PCTP: variants seen among roughly 807,000 people sequenced by gnomAD.
The protein encoded by PCTP is phosphatidylcholine transfer protein, also known as START domain-containing protein 2.
PCTP carries 27 observed loss-of-function variants against 31.0 expected under a neutral mutation model. The observed-to-expected ratio is 0.87, with a 90% CI of 0.64 to 1.20. The LOEUF is 1.20. PCTP is among the 50% of genes most tolerant of loss of function. PCTP has a pLI of 0.00. For missense variants in PCTP, 287 were observed against 268.2 expected (o/e 1.07, Z -0.49); for synonymous variants, 108 against 101.2 (o/e 1.07, Z -0.40).
At chr17:55,826,050 G>T (rs1425665984), downstream of PCTP, among the ~76,000 whole-genome samples, 3 of 152,164 alleles carry the variant, frequency 2.0e-5, no homozygotes, top group Admixed American at 2.0e-4. Context: ...AGAAAAATTA[G>T]GTAATTGGCC....
the PCTP span, among the ~76,000 whole-genome samples, chr17:55,847,891 C>T: frequency 2.6e-5 from 4 of 152,052 alleles, no homozygotes; most frequent in Non-Finnish European, 4.4e-5. Context: ...TCCAAATAGC[C>T]ATATCCAGAA....
intron 3 of PCTP, among the ~76,000 whole-genome samples, chr17:55,809,962 A>T (rs2145043545): frequency 6.6e-6 from 1 of 152,322 alleles, no homozygotes. Flanking sequence ...TTACTATTAG[A>T]AATTTACCTT....
the PCTP span, among the ~76,000 whole-genome samples, chr17:55,852,595 A>G: frequency 1.3e-5 from 2 of 152,116 alleles, no homozygotes; most frequent in Non-Finnish European, 2.9e-5. Flanking sequence ...ATTTCTAATC[A>G]CTCATTCCTA....
intron 3 of PCTP, among the ~76,000 whole-genome samples, chr17:55,814,202 G>A (rs1432482504): frequency 6.6e-6 from 1 of 152,134 alleles, no homozygotes; most frequent in Non-Finnish European, 1.5e-5. Context: ...CATTCTAGAG[G>A]AAGGAGGAGG....
chr17:55,824,554 A>G (rs1262940017), downstream of PCTP, among the ~76,000 whole-genome samples: 1 of 152,250 alleles, frequency 6.6e-6, no homozygotes, highest in Non-Finnish European at 1.5e-5. Flanking sequence ...AACAATGATA[A>G]ATTGTAATTG....
intron 2 of PCTP, among the ~76,000 whole-genome samples, chr17:55,786,984 C>A (rs1911769116): frequency 6.6e-6 from 1 of 151,708 alleles, no homozygotes; most frequent in Admixed American, 6.6e-5. Flanking sequence ...CTGTTTCTGG[C>A]ATATGTGTGT....
intron 4 of PCTP, 65 bp from the exon 5 acceptor site, chr17:55,774,727 G>GT: frequency 7.5e-7 from 1 of 1,329,124 alleles, no homozygotes; most frequent in Non-Finnish European, 1.1e-6. Context: ...AGTTTGCACA[G>GT]TTTTGTTGCT....
At chr17:55,791,205 G>C (rs1018083389) in intron 3 of PCTP, among the ~76,000 whole-genome samples, 13 of 151,962 alleles carry the variant, frequency 8.6e-5, no homozygotes, top group Admixed American at 4.6e-4. Flanking sequence ...AAAAACCCTA[G>C]AAGAAAACCT....
At chr17:55,795,402 A>G (rs1225822410) in intron 3 of PCTP, among the ~76,000 whole-genome samples, 1 of 152,044 alleles carries the variant, frequency 6.6e-6, no homozygotes, top group African/African-American at 2.4e-5. Flanking sequence ...TAAATGATTT[A>G]TGTCTTTGCA....
chr17:55,805,606 A>G (rs1294892731), intron 3 of PCTP, among the ~76,000 whole-genome samples: 2 of 152,002 alleles, frequency 1.3e-5, no homozygotes, highest in Non-Finnish European at 2.9e-5. Flanking sequence ...ATATACATAT[A>G]TATACACACA....
At chr17:55,840,915 A>G (rs1905959733) in intron 5 of PCTP, among the ~76,000 whole-genome samples, 1 of 152,208 alleles carries the variant, frequency 6.6e-6, no homozygotes, top group African/African-American at 2.4e-5. Flanking sequence ...AAAATCCAAA[A>G]AAGTCTGAAA....
At chr17:55,798,260 A>G (rs1357699675) in intron 3 of PCTP, among the ~76,000 whole-genome samples, 5 of 152,038 alleles carry the variant, frequency 3.3e-5, no homozygotes, top group Non-Finnish European at 4.4e-5. Flanking sequence ...CTGCAATCTC[A>G]TAAGAGTGAA....
downstream of PCTP, chr17:55,777,499 GCTTA>G (rs1270163188): frequency 2.7e-5 from 20 of 741,874 alleles, no homozygotes; most frequent in Non-Finnish European, 3.0e-5. Context: ...ATAATTTTGG[GCTTA>G]CTTATATGCA....
intron 3 of PCTP, among the ~76,000 whole-genome samples, chr17:55,817,258 G>A (rs1421685387): frequency 6.6e-6 from 1 of 152,208 alleles, no homozygotes; most frequent in Non-Finnish European, 1.5e-5. Context: ...GGGTTGTTGG[G>A]TATTGTCATC....
intron 3 of PCTP, among the ~76,000 whole-genome samples, chr17:55,794,577 G>C (rs1912119577): frequency 6.6e-6 from 1 of 151,800 alleles, no homozygotes; most frequent in African/African-American, 2.4e-5. Context: ...TAAGTTATGG[G>C]TTATATGCAA....
intron 5 of PCTP, among the ~76,000 whole-genome samples, chr17:55,841,726 A>G (rs1000606825): frequency 8.5e-5 from 13 of 152,218 alleles, no homozygotes; most frequent in Admixed American, 2.6e-4. Flanking sequence ...CTCAATTCCA[A>G]TCAGTCCTCT....
intron 1 of PCTP, among the ~76,000 whole-genome samples, chr17:55,762,183 A>T (rs1421222763): frequency 6.6e-6 from 1 of 152,194 alleles, no homozygotes; most frequent in Non-Finnish European, 1.5e-5. Context: ...GAGGGACTGT[A>T]TGCTGGCTCA....
intron 5 of PCTP, chr17:55,775,591 A>G: frequency 8.5e-7 from 1 of 1,174,936 alleles, no homozygotes; most frequent in Non-Finnish European, 1.1e-6. Flanking sequence ...AAATAAGACA[A>G]TATTTAGGAA....
intron 1 of PCTP, among the ~76,000 whole-genome samples, chr17:55,758,046 A>C (rs1222162904): frequency 6.6e-6 from 1 of 152,204 alleles, no homozygotes; most frequent in Non-Finnish European, 1.5e-5. Context: ...TCTGCAAGTC[A>C]GGCCCTTGCA....
Sources: gnomAD v4.1 joint callset for allele counts (sites outside exome capture counted in the v4.1 genomes callset) on GRCh38, gnomAD v4.1.1 for gene constraint, MANE v1.5 for transcripts, NCBI Gene and HGNC (gene_info 2026-07-23, HGNC 2026-07-21) for gene names.